The following KLF8 variants were observed in gnomAD, a reference collection of about 807,000 sequenced individuals.
The protein encoded by KLF8 is KLF transcription factor 8, also known as Krueppel-like factor 8.
In KLF8, 10 loss-of-function variants were observed where a neutral mutation model predicts 18.2. That is an observed-to-expected ratio of 0.55 (90% CI 0.34 to 0.93). The LOEUF (loss-of-function observed/expected upper bound fraction) is 0.93, where lower values mean the gene tolerates loss of function less well. KLF8 is among the 40% of genes least tolerant of loss of function. The probability of loss-of-function intolerance (pLI) is 0.02; values close to 1 mark genes in which losing one functional copy is unlikely to be tolerated. For synonymous variants in KLF8, 109 were observed against 97.3 expected (o/e 1.12, Z -0.71); for missense variants, 264 against 277.9 (o/e 0.95, Z 0.36).
chrX:56,020,786 T>C, the KLF8 span, among the ~76,000 whole-genome samples: 1 of 111,783 alleles, frequency 8.9e-6, no homozygotes, highest in Non-Finnish European at 1.9e-5. Context: ...TTTTAAACAC[T>C]CTTACTGTAT....
intron 5 of KLF8, among the ~76,000 whole-genome samples, chrX:56,275,756 T>C (rs1164128840): frequency 3.5e-5 from 4 of 112,740 alleles, no homozygotes; most frequent in Non-Finnish European, 5.6e-5. Flanking sequence ...AGTGACCAAA[T>C]GGTTTTTATC....
chrX:56,202,584 A>G, the KLF8 span, among the ~76,000 whole-genome samples: 1 of 37,836 alleles, frequency 2.6e-5, no homozygotes, highest in Admixed American at 2.3e-4. Flanking sequence ...CCTGCACTCC[A>G]TTATCCTCCC....
At chrX:56,251,604 A>G (rs926375148) in intron 2 of KLF8, among the ~76,000 whole-genome samples, 1 of 110,408 alleles carries the variant, frequency 9.1e-6, no homozygotes, top group African/African-American at 3.3e-5. Flanking sequence ...CTGGGACTAC[A>G]GGCACGCACC....
chrX:56,261,335 G>A (rs759124083), intron 2 of KLF8, among the ~76,000 whole-genome samples: 23 of 111,334 alleles, frequency 2.1e-4, no homozygotes, highest in Non-Finnish European at 3.0e-4. Context: ...TCAGAAATCC[G>A]GAAATTCAGG....
chrX:55,933,372 G>A, the KLF8 span, among the ~76,000 whole-genome samples: 5 of 111,615 alleles, frequency 4.5e-5, no homozygotes, highest in East Asian at 8.4e-4. Flanking sequence ...ATCTACTTAC[G>A]TAAGTGGTAG....
the KLF8 span, among the ~76,000 whole-genome samples, chrX:56,203,539 C>G: frequency 9.0e-6 from 1 of 111,459 alleles, no homozygotes; most frequent in Non-Finnish European, 1.9e-5. Flanking sequence ...TGTTTTCTTG[C>G]AGTAGTTTCA....
chrX:56,080,911 A>G, the KLF8 span, among the ~76,000 whole-genome samples: 1 of 109,756 alleles, frequency 9.1e-6, no homozygotes, highest in Admixed American at 9.8e-5. Context: ...ATCTTCCATC[A>G]CTGATACCCT....
the KLF8 span, among the ~76,000 whole-genome samples, chrX:56,211,237 G>A: frequency 1.8e-5 from 2 of 112,565 alleles, no homozygotes; most frequent in Non-Finnish European, 3.8e-5. Flanking sequence ...GTCTGCTTTA[G>A]GGGGCACCCC....
the KLF8 span, among the ~76,000 whole-genome samples, chrX:56,172,187 A>T: frequency 9.1e-6 from 1 of 110,117 alleles, no homozygotes; most frequent in African/African-American, 3.3e-5. Context: ...TACATGTGCC[A>T]TATTGGTGTG....
chrX:56,099,782 G>A, the KLF8 span, among the ~76,000 whole-genome samples: 2 of 111,754 alleles, frequency 1.8e-5, no homozygotes, highest in Non-Finnish European at 3.8e-5. Context: ...CATGAAGACT[G>A]AGAGTGTTGA....
chrX:56,249,286 A>G (rs1602423692), intron 1 of KLF8, among the ~76,000 whole-genome samples: 5 of 112,470 alleles, frequency 4.4e-5, no homozygotes, highest in South Asian at 3.7e-4. Context: ...GAAGTGAGGT[A>G]CAGAAACAGC....
the KLF8 span, among the ~76,000 whole-genome samples, chrX:56,225,446 G>C: frequency 9.0e-6 from 1 of 111,480 alleles, no homozygotes; most frequent in African/African-American, 3.3e-5. Context: ...TGTTATGCAA[G>C]AGATAGATTA....
chrX:56,052,061 C>T, the KLF8 span, among the ~76,000 whole-genome samples: 14 of 111,807 alleles, frequency 1.3e-4, no homozygotes, highest in African/African-American at 2.0e-4. Context: ...TTGATTGCAT[C>T]GGCTCCTGAG....
intron 2 of KLF8, among the ~76,000 whole-genome samples, chrX:56,261,962 C>A (rs2066887942): frequency 9.0e-6 from 1 of 111,478 alleles, no homozygotes; most frequent in Admixed American, 9.5e-5. Flanking sequence ...AATATTTACA[C>A]CCAGAAAATA....
At chrX:55,956,166 T>TATCTATC in the KLF8 span, among the ~76,000 whole-genome samples, 61 of 96,905 alleles carry the variant, frequency 6.3e-4, no homozygotes, top group Non-Finnish European at 1.1e-3. Flanking sequence ...TCTATCTATC[T>TATCTATC]ATCATCTATC....
At chrX:55,975,784 T>A in the KLF8 span, among the ~76,000 whole-genome samples, 10 of 110,992 alleles carry the variant, frequency 9.0e-5, no homozygotes, top group African/African-American at 3.3e-4. Context: ...CTGACTTTTT[T>A]AAAAAAAAAT....
At chrX:56,137,335 G>C in the KLF8 span, among the ~76,000 whole-genome samples, 7 of 106,115 alleles carry the variant, frequency 6.6e-5, no homozygotes, top group African/African-American at 2.5e-4. Context: ...ATTCACAATA[G>C]CAAAGACTTG....
At chrX:56,175,632 A>G in the KLF8 span, among the ~76,000 whole-genome samples, 1 of 111,414 alleles carries the variant, frequency 9.0e-6, no homozygotes. Flanking sequence ...TGCAGAGCAG[A>G]GTTCAATTCC....
the KLF8 span, among the ~76,000 whole-genome samples, chrX:55,969,491 T>A: frequency 9.0e-6 from 1 of 111,168 alleles, no homozygotes; most frequent in African/African-American, 3.3e-5. Context: ...AGCCACTATG[T>A]GAAAAAAAGA....
Sources: allele counts gnomAD v4.1 joint callset (sites outside exome capture counted in the v4.1 genomes callset), GRCh38; gene constraint gnomAD v4.1.1; transcripts MANE v1.5; gene names NCBI Gene and HGNC (gene_info 2026-07-23, HGNC 2026-07-21).